The following THSD7A variants were observed in gnomAD, a reference collection of about 807,000 sequenced individuals.
THSD7A encodes the protein thrombospondin type 1 domain containing 7A.
Under a neutral mutation model 231.3 loss-of-function variants are expected in THSD7A, and 96 were observed. The ratio of observed to expected loss-of-function variants is 0.41; its 90% CI spans 0.35 to 0.49. The LOEUF (loss-of-function observed/expected upper bound fraction) is 0.49. THSD7A is among the 20% of genes least tolerant of loss of function. THSD7A has a pLI of 0.05. For synonymous variants in THSD7A, 940 were observed against 743.3 expected (o/e 1.26, Z -4.30); for missense variants, 2,290 against 2,070.2 (o/e 1.11, Z -2.06).
Position 11,375,448 on chromosome 7 carries a change from G to A in THSD7A, c.*346C>T, listed in dbSNP as rs996741712. On this transcript the variant is annotated 3_prime_UTR_variant, in exon 28 of 28. Coordinates refer to ENST00000423059, the MANE Select transcript of THSD7A (RefSeq NM_015204.3). The stretch of plus-strand genomic sequence containing the variant: ...GGAAGTTTTATGGATTAACACTGCA[G>A]ACGGTCTTGTATCAGGCATCCTAAC... The A allele has an allele frequency of 4.3e-5, 8 of 187,380 alleles. No individual in the cohort carries two copies. The highest frequency in any genetic ancestry group is 6.6e-5 in the Non-Finnish European group (6 of 91,188). 11.6% of individuals were successfully genotyped at this position (187,380 alleles called of 1,614,324 possible). A position where few individuals can be genotyped will look rare whatever the true frequency, so the allele number is the denominator to read the frequency against.
intron 23 of THSD7A, among the ~76,000 whole-genome samples, chr7:11,386,034 A>G (rs998106321): frequency 2.0e-5 from 3 of 152,178 alleles, no homozygotes; most frequent in African/African-American, 7.2e-5. Context: ...TGTCCCTGCA[A>G]AGGACATGAA....
chr7:11,690,200 T>C (rs1780189931), intron 1 of THSD7A, among the ~76,000 whole-genome samples: 1 of 151,796 alleles, frequency 6.6e-6, no homozygotes, highest in Non-Finnish European at 1.5e-5. Flanking sequence ...ACTTGGTAAA[T>C]ATACAGAAGC....
chr7:11,727,207 T>G (rs1781577713), intron 1 of THSD7A, among the ~76,000 whole-genome samples: 1 of 152,028 alleles, frequency 6.6e-6, no homozygotes, highest in South Asian at 2.1e-4. Context: ...GTTGGGCCTT[T>G]GAGATTCTTG....
chr7:11,504,262 G>C (rs541946962), intron 6 of THSD7A, among the ~76,000 whole-genome samples: 84 of 152,206 alleles, frequency 5.5e-4, no homozygotes, highest in African/African-American at 2.0e-3. Flanking sequence ...TAAATTATGA[G>C]AACTTATGAA....
chr7:11,497,643 G>A (rs970305006), intron 6 of THSD7A, among the ~76,000 whole-genome samples: 10 of 152,156 alleles, frequency 6.6e-5, no homozygotes, highest in Non-Finnish European at 1.5e-5. Flanking sequence ...TTTATCTTAA[G>A]AATAACTGTT....
intron 1 of THSD7A, among the ~76,000 whole-genome samples, chr7:11,655,230 T>TA (rs140857422): frequency 6.6e-6 from 1 of 151,792 alleles, no homozygotes; most frequent in African/African-American, 2.4e-5. Context: ...TAAATTATGA[T>TA]AAAAAATATT....
chr7:11,563,243 C>T (rs1188219978), intron 4 of THSD7A, among the ~76,000 whole-genome samples: 1 of 152,118 alleles, frequency 6.6e-6, no homozygotes, highest in East Asian at 1.9e-4. Flanking sequence ...TACATTTATT[C>T]CTCAATCAAT....
chr7:11,415,567 T>A (rs1783932160), intron 17 of THSD7A, among the ~76,000 whole-genome samples: 1 of 152,098 alleles, frequency 6.6e-6, no homozygotes, highest in African/African-American at 2.4e-5. Flanking sequence ...CATAATTGAT[T>A]TTTCCTCTAT....
intron 1 of THSD7A, among the ~76,000 whole-genome samples, chr7:11,761,883 C>G (rs1782874573): frequency 6.6e-6 from 1 of 152,054 alleles, no homozygotes; most frequent in African/African-American, 2.4e-5. Flanking sequence ...AATAAGTAGT[C>G]TCTTCAACAC....
At chr7:11,747,287 A>C (rs911171089) in intron 1 of THSD7A, among the ~76,000 whole-genome samples, 5 of 151,962 alleles carry the variant, frequency 3.3e-5, no homozygotes, top group African/African-American at 9.7e-5. Flanking sequence ...TGCCCTGTGA[A>C]GTAGCCCTAT....
chr7:11,810,749 T>C (rs980854715), intron 1 of THSD7A, among the ~76,000 whole-genome samples: 3 of 152,168 alleles, frequency 2.0e-5, no homozygotes, highest in Admixed American at 1.3e-4. Flanking sequence ...TTATTGATGA[T>C]ATTAGCTCAG....
intron 2 of THSD7A, among the ~76,000 whole-genome samples, chr7:11,610,296 T>C (rs529023166): frequency 2.6e-5 from 4 of 152,092 alleles, no homozygotes; most frequent in Admixed American, 1.3e-4. Context: ...CTCCCCCAAA[T>C]TGGAGCTTTG....
intron 1 of THSD7A, among the ~76,000 whole-genome samples, chr7:11,662,802 C>G (rs912530205): frequency 1.3e-5 from 2 of 151,376 alleles, no homozygotes; most frequent in African/African-American, 4.8e-5. Context: ...ATTAACAGCA[C>G]ACATCTAAAC....
chr7:11,770,491 A>G (rs1038747614), intron 1 of THSD7A, among the ~76,000 whole-genome samples: 8 of 152,152 alleles, frequency 5.3e-5, no homozygotes, highest in African/African-American at 1.9e-4. Context: ...CAGTGAAGCC[A>G]CATTTACCAG....
At position 11,371,816 on chromosome 7, in the gene THSD7A, G is replaced by C. The variant is rs1782065779; in HGVS notation, c.*3978C>G. On this transcript the variant is annotated 3_prime_UTR_variant, in exon 28 of 28. Transcript: ENST00000423059. The stretch of plus-strand genomic sequence containing the variant: ...CCTTTATTCATTTCTTTGACCAGTG[G>C]ATTTGGTGTAAATCAGGATGTTCAC... 6.7e-6 allele frequency: 1 copy of C among 150,310 alleles called. No individual in the cohort carries two copies. The highest frequency in any genetic ancestry group is 2.5e-5 in the African/African-American group (1 of 40,656). 9.3% of individuals were successfully genotyped at this position (150,310 alleles called of 1,614,324 possible).
chr7:11,587,167 T>C (rs1259551273), intron 4 of THSD7A, among the ~76,000 whole-genome samples: 1 of 152,204 alleles, frequency 6.6e-6, no homozygotes, highest in Non-Finnish European at 1.5e-5. Context: ...ATGCATCCAA[T>C]GATCAGCAAG....
Position 11,474,528 on chromosome 7 carries a change from T to A in THSD7A, c.2058A>T (p.Val686=). 6.2e-7 allele frequency: 1 copy of A among 1,609,430 alleles called. No individual in the cohort carries two copies. ...TGCAAGGATGCTCATTACAGCTTCGTACTTCTTGCAAAGCACTGCTATTTG... is the reference window on the plus strand; with the variant it reads ...TGCAAGGATGCTCATTACAGCTTCGAACTTCTTGCAAAGCACTGCTATTTG... ...RCPNSSALQE[V]RSCNEHPCTV... The change falls in exon 8 of 28, where the codon GTA becomes GTT. Residue 686 remains valine, a synonymous_variant. Transcript: ENST00000423059. This position sits in a 1 kb window ranked among gnomAD's most constrained non-coding sequence, Gnocchi z 4.1.
At chr7:11,441,844 C>G (rs1784814217) in intron 13 of THSD7A, among the ~76,000 whole-genome samples, 1 of 151,288 alleles carries the variant, frequency 6.6e-6, no homozygotes. Flanking sequence ...GGGTCGGGGG[C>G]TAGGGGAGGG....
chr7:11,563,289 C>T (rs1790152943), intron 4 of THSD7A, among the ~76,000 whole-genome samples: 1 of 152,142 alleles, frequency 6.6e-6, no homozygotes, highest in African/African-American at 2.4e-5. Context: ...TGAGAATTAT[C>T]TTTTGGTATT....
Sources: allele counts gnomAD v4.1 joint callset (sites outside exome capture counted in the v4.1 genomes callset), GRCh38; gene constraint gnomAD v4.1.1; non-coding constraint Gnocchi (gnomAD v3.1); transcripts MANE v1.5; gene names NCBI Gene and HGNC (gene_info 2026-07-23, HGNC 2026-07-21).